Variants in CLSTN2 observed in about 807,000 individuals in gnomAD.
CLSTN2 encodes calsyntenin 2, also known as calsyntenin-2.
Under a neutral mutation model 101.2 loss-of-function variants are expected in CLSTN2, and 48 were observed. That is an observed-to-expected ratio of 0.47 (90% confidence interval 0.38 to 0.60). CLSTN2 has a LOEUF of 0.60. Among genes scored for constraint, CLSTN2 ranks in the 20% least tolerant of loss-of-function variants. The probability of loss-of-function intolerance (pLI) is 0.00; values close to 1 mark genes in which losing one functional copy is unlikely to be tolerated. For synonymous variants in CLSTN2, 481 were observed against 463.6 expected (o/e 1.04, Z -0.48); for missense variants, 1,160 against 1,238.2 (o/e 0.94, Z 0.95).
At chr3:140,561,100 G>T (rs961994758) in intron 12 of CLSTN2, among the ~76,000 whole-genome samples, 2 of 151,538 alleles carry the variant, frequency 1.3e-5, no homozygotes, top group African/African-American at 4.8e-5. Context: ...TTAAATTTCT[G>T]TTTTAATAAA....
At chr3:140,245,663 C>CA (rs11375603) in intron 2 of CLSTN2, among the ~76,000 whole-genome samples, 146,868 of 151,942 alleles carry the variant, frequency 0.97, 71,165 homozygotes, top group Non-Finnish European at 1. Flanking sequence ...CGCCCTCCCA[C>CA]AAAAAAAATG....
intron 2 of CLSTN2, among the ~76,000 whole-genome samples, chr3:140,349,381 A>T (rs2087583002): frequency 6.6e-6 from 1 of 152,224 alleles, no homozygotes. Context: ...ACTGGGTCAG[A>T]ACCTAATTAC....
intron 2 of CLSTN2, among the ~76,000 whole-genome samples, chr3:140,196,326 G>A (rs2010643019): frequency 6.6e-6 from 1 of 152,208 alleles, no homozygotes; most frequent in Non-Finnish European, 1.5e-5. Context: ...GTCCAGGAAG[G>A]AAACAGGAGG....
intron 1 of CLSTN2, among the ~76,000 whole-genome samples, chr3:139,966,976 C>G (rs995997877): frequency 1.3e-5 from 2 of 152,148 alleles, no homozygotes; most frequent in African/African-American, 4.8e-5. Flanking sequence ...GAGTGCAAAT[C>G]AGAAGAGGAA....
intron 1 of CLSTN2, among the ~76,000 whole-genome samples, chr3:139,998,651 G>C (rs2006746624): frequency 6.6e-6 from 1 of 152,016 alleles, no homozygotes; most frequent in South Asian, 2.1e-4. Context: ...GCCACTTTTA[G>C]GAGAGTTCCC....
intron 12 of CLSTN2, among the ~76,000 whole-genome samples, chr3:140,560,652 C>T (rs1935892660): frequency 6.6e-6 from 1 of 152,158 alleles, no homozygotes; most frequent in African/African-American, 2.4e-5. Context: ...CTCCCTTGTA[C>T]ACAGTGGGAA....
At chr3:140,392,979 G>A (rs781630700) in intron 2 of CLSTN2, among the ~76,000 whole-genome samples, 3 of 152,094 alleles carry the variant, frequency 2.0e-5, no homozygotes, top group Non-Finnish European at 2.9e-5. Flanking sequence ...AGAAGGCTGA[G>A]TGTTGTCATT....
chr3:140,331,863 T>G (rs945779211), intron 2 of CLSTN2, among the ~76,000 whole-genome samples: 6 of 152,244 alleles, frequency 3.9e-5, no homozygotes, highest in African/African-American at 2.4e-5. Flanking sequence ...CTATTTTTAG[T>G]AAGCTTCCAA....
intron 2 of CLSTN2, among the ~76,000 whole-genome samples, chr3:140,244,234 T>C (rs1489760939): frequency 6.6e-6 from 1 of 152,168 alleles, no homozygotes; most frequent in Non-Finnish European, 1.5e-5. Context: ...TTGACTGATG[T>C]GGCAAGGAAT....
At chr3:140,263,237 A>T (rs964326636) in intron 2 of CLSTN2, among the ~76,000 whole-genome samples, 36 of 152,156 alleles carry the variant, frequency 2.4e-4, no homozygotes, top group African/African-American at 8.0e-4. Context: ...ACAACTGTGG[A>T]AATATTTGGG....
chr3:140,297,245 G>A (rs1213991817), intron 2 of CLSTN2, among the ~76,000 whole-genome samples: 1 of 152,190 alleles, frequency 6.6e-6, no homozygotes, highest in Non-Finnish European at 1.5e-5. Flanking sequence ...AACTCTGAAA[G>A]GCAATTTTGC....
At chr3:140,488,387 G>C (rs1934279517) in intron 8 of CLSTN2, among the ~76,000 whole-genome samples, 1 of 152,078 alleles carries the variant, frequency 6.6e-6, no homozygotes, top group African/African-American at 2.4e-5. Context: ...TCACTTCTCT[G>C]AGCCTTAGTA....
At chr3:140,403,010 G>A (rs983914250) in intron 2 of CLSTN2, among the ~76,000 whole-genome samples, 3 of 152,044 alleles carry the variant, frequency 2.0e-5, no homozygotes, top group Non-Finnish European at 4.4e-5. Context: ...ATGCAGTTGG[G>A]GTTCAATAAA....
intron 8 of CLSTN2, among the ~76,000 whole-genome samples, chr3:140,479,213 T>G (rs1934059855): frequency 6.6e-6 from 1 of 152,210 alleles, no homozygotes; most frequent in East Asian, 1.9e-4. Flanking sequence ...GGTAAACATC[T>G]AGAGTTTTCC....
chr3:139,952,095 A>G (rs1046799501), intron 1 of CLSTN2, among the ~76,000 whole-genome samples: 30 of 152,190 alleles, frequency 2.0e-4, no homozygotes, highest in Non-Finnish European at 3.7e-4. Context: ...GGGGAATGGT[A>G]TAGCCCCTTA....
chr3:140,010,459 C>G (rs1318522759), intron 1 of CLSTN2, among the ~76,000 whole-genome samples: 7 of 152,176 alleles, frequency 4.6e-5, no homozygotes, highest in Non-Finnish European at 8.8e-5. Flanking sequence ...GGCAGGCGCT[C>G]CTCTCTGATC....
At position 140,076,460 on chromosome 3, in the gene CLSTN2, G is replaced by A. The variant is rs149004402; in HGVS notation, c.110-99491G>A. On this transcript the variant is annotated intron_variant, in intron 1 of 16. Coordinates refer to ENST00000458420, the MANE Select transcript of CLSTN2 (RefSeq NM_022131.3). ...AAGCAACAGTGCTCCTATAGTTAAA[G>A]CAGGAAAAGTCTCCTATAGCTTGGT... Among the ~76,000 whole-genome samples the A allele has an allele frequency of 1.4e-4, 22 of 152,066 alleles. No individual in the cohort carries two copies. In the East Asian group the frequency reaches 4.3e-3, roughly 30 times the overall value.
At chr3:140,263,912 A>T (rs911541442) in intron 2 of CLSTN2, among the ~76,000 whole-genome samples, 8 of 152,178 alleles carry the variant, frequency 5.3e-5, no homozygotes, top group African/African-American at 1.9e-4. Flanking sequence ...TAATATTTTC[A>T]TTCCCTATTG....
chr3:140,281,298 A>C (rs2086844423), intron 2 of CLSTN2, among the ~76,000 whole-genome samples: 1 of 152,204 alleles, frequency 6.6e-6, no homozygotes, highest in Non-Finnish European at 1.5e-5. Context: ...GTATGGTGGG[A>C]GATAACAGGA....
Sources: gnomAD v4.1 joint callset for allele counts (sites outside exome capture counted in the v4.1 genomes callset) on GRCh38, gnomAD v4.1.1 for gene constraint, MANE v1.5 for transcripts, NCBI Gene and HGNC (gene_info 2026-07-23, HGNC 2026-07-21) for gene names.